TANC1: variants seen among roughly 807,000 people sequenced by gnomAD.
TANC1 encodes the protein protein TANC1.
In TANC1, 77 loss-of-function variants were observed where a neutral mutation model predicts 149.7. The ratio of observed to expected loss-of-function variants is 0.51; its 90% CI spans 0.43 to 0.62. The LOEUF is 0.62. TANC1 is among the 20% of genes least tolerant of loss of function. The probability of loss-of-function intolerance (pLI) is 0.00; values close to 1 mark genes in which losing one functional copy is unlikely to be tolerated. For missense variants in TANC1, 1,985 were observed against 2,321.8 expected, an observed-to-expected ratio of 0.85 and a Z score of 2.98; for synonymous variants, 854 against 925.0, an observed-to-expected ratio of 0.92 and a Z score of 1.39.
intron 2 of TANC1, among the ~76,000 whole-genome samples, chr2:159,036,694 CT>C (rs1316627965): frequency 1.3e-5 from 2 of 152,154 alleles, no homozygotes; most frequent in African/African-American, 4.8e-5. Context: ...TGAACTCATC[CT>C]TTTTTATGGC....
intron 4 of TANC1, 147 bp from the exon 5 acceptor site, chr2:159,136,047 T>TGTGTGTGCGCGCGC (rs1457762905): frequency 9.6e-6 from 2 of 209,118 alleles, no homozygotes; most frequent in African/African-American, 7.2e-5. Context: ...TGTGTGTGTG[T>TGTGTGTGCGCGCGC]GTGCGCGCGC....
At chr2:159,220,103 A>G (rs1271692441) in intron 22 of TANC1, among the ~76,000 whole-genome samples, 3 of 151,978 alleles carry the variant, frequency 2.0e-5, no homozygotes, top group African/African-American at 7.3e-5. Flanking sequence ...GACTCTTAAA[A>G]GCTTAAAAAT....
At chr2:159,032,134 C>T (rs1401272931) in intron 2 of TANC1, among the ~76,000 whole-genome samples, 1 of 152,174 alleles carries the variant, frequency 6.6e-6, no homozygotes, top group African/African-American at 2.4e-5. Flanking sequence ...GTCATTAATA[C>T]AAAGGCATAG....
chr2:159,194,961 G>A (rs2057740298), intron 17 of TANC1, among the ~76,000 whole-genome samples: 1 of 152,114 alleles, frequency 6.6e-6, no homozygotes, highest in Non-Finnish European at 1.5e-5. Flanking sequence ...CTTTCCACTT[G>A]CCAGCCCTAG....
rs529929157 is a variant in TANC1 at position 159,191,945 on chromosome 2, A to G, written c.2743-2312A>G. Among the ~76,000 whole-genome samples, 33 of 152,282 alleles carry G rather than the reference A, an allele frequency of 2.2e-4. No homozygotes were observed. In the East Asian group the frequency reaches 6.0e-3, roughly 28 times the overall value. On this transcript the variant is annotated intron_variant, in intron 16 of 26. Transcript: ENST00000263635. Reference sequence around the variant, plus strand: ...TGATGTGGGTCAGGACCATTGAAGTAAGCCATTGAAAGAAACACACTGGGC... The same window carrying G: ...TGATGTGGGTCAGGACCATTGAAGTGAGCCATTGAAAGAAACACACTGGGC...
At chr2:159,059,395 G>A (rs997386997) in intron 2 of TANC1, among the ~76,000 whole-genome samples, 1 of 151,974 alleles carries the variant, frequency 6.6e-6, no homozygotes, top group Non-Finnish European at 1.5e-5. Flanking sequence ...CAGCTACTCT[G>A]GAGGCTGAGA....
At chr2:159,002,485 C>G (rs912706335) in intron 2 of TANC1, among the ~76,000 whole-genome samples, 3 of 152,124 alleles carry the variant, frequency 2.0e-5, no homozygotes, top group African/African-American at 7.2e-5. Flanking sequence ...CACAGATTTT[C>G]TTTGTTTTTA....
chr2:159,158,135 C>T (rs926424980), intron 7 of TANC1, among the ~76,000 whole-genome samples: 1 of 152,002 alleles, frequency 6.6e-6, no homozygotes, highest in Non-Finnish European at 1.5e-5. Flanking sequence ...GTGGGAGGAT[C>T]GCTTGAGCCC....
intron 4 of TANC1, among the ~76,000 whole-genome samples, chr2:159,109,349 A>G (rs989224966): frequency 6.6e-6 from 1 of 152,138 alleles, no homozygotes; most frequent in Non-Finnish European, 1.5e-5. Context: ...GATGTTATGG[A>G]CTGCATGTTT....
At chr2:159,007,842 T>C (rs1209338597) in intron 2 of TANC1, among the ~76,000 whole-genome samples, 1 of 152,186 alleles carries the variant, frequency 6.6e-6, no homozygotes, top group Non-Finnish European at 1.5e-5. Context: ...GTGACTTGGC[T>C]CAAGGGCCCC....
intron 2 of TANC1, among the ~76,000 whole-genome samples, chr2:159,026,558 C>T (rs1388629615): frequency 1.3e-5 from 2 of 152,198 alleles, no homozygotes; most frequent in Non-Finnish European, 2.9e-5. Context: ...TTATTTCTTA[C>T]AGTTTTGGAG....
chr2:159,020,599 A>G lies in TANC1; in HGVS notation c.-16+19410A>G, dbSNP rs186004461. Among the ~76,000 whole-genome samples, 689 of 152,354 alleles carry G rather than the reference A, an allele frequency of 4.5e-3. 5 individuals are homozygous for G. Among genetic ancestry groups the G allele is most frequent in the African/African-American group, 0.015 (643 of 41,580 alleles). ...GTAGCCACTGTGTGAAGAGTTTTAC[A>G]TGCCTTATTTTTTTAGTGTGAAGTC... On this transcript the variant is annotated intron_variant, in intron 2 of 26. Coordinates refer to ENST00000263635, the MANE Select transcript of TANC1 (RefSeq NM_033394.3).
chr2:159,129,587 C>A (rs1410420010), intron 4 of TANC1, among the ~76,000 whole-genome samples: 1 of 151,662 alleles, frequency 6.6e-6, no homozygotes. Flanking sequence ...TTTTCTTTTG[C>A]AAGCTGCATA....
At chr2:159,026,370 T>C (rs1310015940) in intron 2 of TANC1, among the ~76,000 whole-genome samples, 1 of 152,218 alleles carries the variant, frequency 6.6e-6, no homozygotes. Context: ...CAGCCTCAGC[T>C]GATCCTTCAG....
chr2:159,135,885 G>A (rs538419782), intron 4 of TANC1, among the ~76,000 whole-genome samples: 7 of 152,338 alleles, frequency 4.6e-5, no homozygotes, highest in African/African-American at 1.7e-4. Context: ...CAGCTGTAGC[G>A]ACTTCACAGC....
chr2:158,981,540 T>G lies in TANC1; in HGVS notation c.-126+12758T>G, dbSNP rs1468829194. Among the ~76,000 whole-genome samples, 22 of 87,806 alleles carry G rather than the reference T, an allele frequency of 2.5e-4. 2 individuals are homozygous for G. Among genetic ancestry groups the G allele is most frequent in the African/African-American group, 9.2e-4 (22 of 23,866 alleles). 57.6% of individuals were successfully genotyped at this position (87,806 alleles called of 152,430 possible). Reference sequence around the variant, plus strand: ...ATATATATATATATATATATATATATATAAAGAAGTAACAGCTTAGAGTTT... The same window carrying G: ...ATATATATATATATATATATATATAGATAAAGAAGTAACAGCTTAGAGTTT... On this transcript the variant is annotated intron_variant, in intron 1 of 26. Coordinates refer to ENST00000263635, the MANE Select transcript of TANC1 (RefSeq NM_033394.3).
rs377066230 is a variant in TANC1, at chr2:159,149,310, C to T, written c.495+38C>T. On this transcript the variant is annotated intron_variant, in intron 6 of 26. Transcript: ENST00000263635. ...GAAGACACTACATTGCATACCTCTT[C>T]AGAGGATGAACGAAGCAATAACCAT... 11 of 1,613,484 alleles carry T rather than the reference C, an allele frequency of 6.8e-6. No homozygotes were observed. In the African/African-American group the frequency reaches 1.2e-4, roughly 18 times the overall value.
At chr2:159,083,679 G>A (rs776814671) in intron 3 of TANC1, among the ~76,000 whole-genome samples, 26 of 152,158 alleles carry the variant, frequency 1.7e-4, no homozygotes, top group Non-Finnish European at 3.2e-4. Flanking sequence ...TTATAGAATT[G>A]TTAGAGGGCT....
intron 1 of TANC1, among the ~76,000 whole-genome samples, chr2:158,993,374 C>T (rs1307286860): frequency 1.3e-5 from 2 of 152,148 alleles, no homozygotes; most frequent in Non-Finnish European, 2.9e-5. Flanking sequence ...ACCTCAGCCT[C>T]CTGAGTTGCT....
Sources: gnomAD v4.1 joint callset for allele counts (sites outside exome capture counted in the v4.1 genomes callset) on GRCh38, gnomAD v4.1.1 for gene constraint, MANE v1.5 for transcripts, NCBI Gene and HGNC (gene_info 2026-07-23, HGNC 2026-07-21) for gene names.